SLC5A4: variants seen among roughly 807,000 people sequenced by gnomAD.
The protein encoded by SLC5A4 is probable glucose sensor protein SLC5A4.
A neutral mutation model predicts 70.3 loss-of-function variants in SLC5A4; 55 were observed. The observed-to-expected ratio is 0.78, with a 90% CI of 0.63 to 0.98. SLC5A4 has a LOEUF of 0.98. SLC5A4 is among the 50% of genes least tolerant of loss of function. The pLI, the probability that SLC5A4 is intolerant of heterozygous loss-of-function variation, is 0.00. For missense variants in SLC5A4, 735 were observed against 839.2 expected, an observed-to-expected ratio of 0.88 and a Z score of 1.53; for synonymous variants, 268 against 305.7, an observed-to-expected ratio of 0.88 and a Z score of 1.29.
the SLC5A4 span, among the ~76,000 whole-genome samples, chr22:32,322,773 A>G: frequency 1.6e-4 from 24 of 152,106 alleles, no homozygotes; most frequent in Middle Eastern, 3.2e-3. Flanking sequence ...ATATTCTCAC[A>G]TGCCAAGGGA....
At chr22:32,344,142 A>C in the SLC5A4 span, among the ~76,000 whole-genome samples, 2 of 152,182 alleles carry the variant, frequency 1.3e-5, no homozygotes, top group East Asian at 3.8e-4. Flanking sequence ...AATAGGAAGA[A>C]AAGACATCGC....
the SLC5A4 span, chr22:32,269,431 C>T: frequency 1.2e-5 from 6 of 488,026 alleles, no homozygotes; most frequent in South Asian, 7.1e-5. This position sits in a 1 kb window ranked among gnomAD's most constrained non-coding sequence, Gnocchi z 4.1. Context: ...TCATCATCAT[C>T]GCCCTGCAGT....
upstream of SLC5A4, among the ~76,000 whole-genome samples, chr22:32,258,544 C>T (rs1029837199): frequency 6.6e-6 from 1 of 152,092 alleles, no homozygotes; most frequent in Admixed American, 6.6e-5. Context: ...AATATCCCCT[C>T]ACACCTGTCA....
chr22:32,302,654 T>C, the SLC5A4 span, among the ~76,000 whole-genome samples: 1 of 152,202 alleles, frequency 6.6e-6, no homozygotes, highest in East Asian at 1.9e-4. Flanking sequence ...TCTATTTAAG[T>C]TCTCTGTTCT....
At chr22:32,270,975 A>G in the SLC5A4 span, 8 of 531,560 alleles carry the variant, frequency 1.5e-5, no homozygotes, top group Admixed American at 5.6e-5. Flanking sequence ...CTAGGGGGCC[A>G]CAGTGGCTTG....
chr22:32,276,343 T>A, the SLC5A4 span, among the ~76,000 whole-genome samples: 2 of 152,218 alleles, frequency 1.3e-5, no homozygotes, highest in East Asian at 1.9e-4. Context: ...GAAAACTTAC[T>A]AAATTAGTAT....
At chr22:32,258,872 A>G (rs950867540), upstream of SLC5A4, among the ~76,000 whole-genome samples, 2 of 152,280 alleles carry the variant, frequency 1.3e-5, no homozygotes, top group African/African-American at 4.8e-5. Flanking sequence ...ATATGCATCC[A>G]TGGAATATTA....
intron 13 of SLC5A4, 31 bp downstream of exon 13, chr22:32,224,236 A>G: frequency 1.3e-6 from 2 of 1,536,842 alleles, no homozygotes; most frequent in Non-Finnish European, 1.8e-6. Context: ...TCTTATTTAA[A>G]ATTAGCATGT....
chr22:32,316,089 A>C, the SLC5A4 span, among the ~76,000 whole-genome samples: 3 of 145,870 alleles, frequency 2.1e-5, no homozygotes, highest in African/African-American at 5.2e-5. Flanking sequence ...GAATCGCTTG[A>C]ACCCAGGAGA....
At chr22:32,260,534 A>G in the SLC5A4 span, among the ~76,000 whole-genome samples, 3 of 151,880 alleles carry the variant, frequency 2.0e-5, no homozygotes, top group African/African-American at 7.3e-5. Flanking sequence ...AACCAAAAAC[A>G]AAAACAAAAA....
At chr22:32,224,121 C>T (rs575677775) in intron 13 of SLC5A4, 146 bp downstream of exon 13, 14 of 622,460 alleles carry the variant, frequency 2.2e-5, no homozygotes, top group South Asian at 1.7e-4. Flanking sequence ...AAGGTTTCAC[C>T]GTGTTAACCA....
At chr22:32,320,925 G>C in the SLC5A4 span, among the ~76,000 whole-genome samples, 584 of 152,308 alleles carry the variant, frequency 3.8e-3, 3 homozygotes, top group African/African-American at 0.014. Flanking sequence ...AAGAAGCCCG[G>C]GAGCTGGTCT....
the SLC5A4 span, among the ~76,000 whole-genome samples, chr22:32,347,008 G>GA: frequency 3.3e-5 from 5 of 151,932 alleles, no homozygotes; most frequent in Non-Finnish European, 7.4e-5. Flanking sequence ...ACATTTACAA[G>GA]AAAAAAACAA....
chr22:32,284,078 A>G, the SLC5A4 span, among the ~76,000 whole-genome samples: 1 of 152,230 alleles, frequency 6.6e-6, no homozygotes, highest in South Asian at 2.1e-4. Context: ...GTACACATTA[A>G]TAAATAATTG....
chr22:32,273,753 G>A, the SLC5A4 span, among the ~76,000 whole-genome samples: 4 of 151,976 alleles, frequency 2.6e-5, no homozygotes, highest in Non-Finnish European at 5.9e-5. Context: ...TACAGCATAC[G>A]GCACTATTTC....
the SLC5A4 span, among the ~76,000 whole-genome samples, chr22:32,319,829 A>T: frequency 6.6e-6 from 1 of 152,194 alleles, no homozygotes; most frequent in Non-Finnish European, 1.5e-5. Context: ...AACTGTCTGC[A>T]GTCTCCATAA....
chr22:32,309,312 T>C, the SLC5A4 span, among the ~76,000 whole-genome samples: 1 of 152,222 alleles, frequency 6.6e-6, no homozygotes, highest in African/African-American at 2.4e-5. Flanking sequence ...ACAAACGCGG[T>C]AGTTCTGCAA....
rs771066447 is a variant in SLC5A4 at position 32,220,909 on chromosome 22, C to G, written c.1768+11G>C. 2 of 1,577,366 alleles carry G rather than the reference C, an allele frequency of 1.3e-6. No homozygotes were observed. Among genetic ancestry groups the G allele is most frequent in the Non-Finnish European group, 1.7e-6 (2 of 1,146,586 alleles). On this transcript the variant is annotated intron_variant, in intron 14 of 14. Transcript: ENST00000266086. ...TTCCTACATGAAAACCAAATGTAAA[C>G]CAAATATTACCTTCTTCAACACCAT... is the stretch of plus-strand genomic sequence containing the variant.
the SLC5A4 span, among the ~76,000 whole-genome samples, chr22:32,278,454 C>T: frequency 6.6e-6 from 1 of 152,200 alleles, no homozygotes; most frequent in Non-Finnish European, 1.5e-5. Flanking sequence ...TAGAATATAT[C>T]CCTGTCTTTA....
Sources: allele counts gnomAD v4.1 joint callset (sites outside exome capture counted in the v4.1 genomes callset), GRCh38; gene constraint gnomAD v4.1.1; non-coding constraint Gnocchi (gnomAD v3.1); transcripts MANE v1.5; gene names NCBI Gene and HGNC (gene_info 2026-07-23, HGNC 2026-07-21).